The following GALNTL6 variants were observed in gnomAD, a reference collection of about 807,000 sequenced individuals.
GALNTL6 encodes polypeptide N-acetylgalactosaminyltransferase like 6.
Under a neutral mutation model 73.7 loss-of-function variants are expected in GALNTL6, and 46 were observed. The ratio of observed to expected loss-of-function variants is 0.62; its 90% CI spans 0.49 to 0.80. The LOEUF (loss-of-function observed/expected upper bound fraction) is 0.80, where lower values mean the gene tolerates loss of function less well. Ranked by LOEUF, GALNTL6 falls within the 30% of genes least tolerant of loss-of-function variation. The probability of loss-of-function intolerance (pLI) is 0.00; values close to 1 mark genes in which losing one functional copy is unlikely to be tolerated. For synonymous variants in GALNTL6, 259 were observed against 263.7 expected (o/e 0.98, Z 0.17); for missense variants, 604 against 755.0 (o/e 0.80, Z 2.34).
intron 2 of GALNTL6, among the ~76,000 whole-genome samples, chr4:171,944,072 A>G (rs1032028816): frequency 1.3e-5 from 2 of 152,078 alleles, no homozygotes; most frequent in African/African-American, 4.8e-5. Context: ...TGTAATTTAC[A>G]TACAATGATA....
intron 2 of GALNTL6, among the ~76,000 whole-genome samples, chr4:171,830,709 A>C (rs1734946128): frequency 6.6e-6 from 1 of 152,190 alleles, no homozygotes; most frequent in Non-Finnish European, 1.5e-5. Context: ...GTAAGATTTC[A>C]TCAGACATAT....
chr4:172,685,020 T>C (rs577304021), intron 5 of GALNTL6, among the ~76,000 whole-genome samples: 66 of 152,212 alleles, frequency 4.3e-4, no homozygotes, highest in Non-Finnish European at 3.7e-4. Flanking sequence ...CTTGTACATA[T>C]TGTAAATACC....
chr4:172,155,609 T>A (rs1054038890), intron 2 of GALNTL6, among the ~76,000 whole-genome samples: 6 of 152,194 alleles, frequency 3.9e-5, no homozygotes, highest in Non-Finnish European at 8.8e-5. Context: ...CAAACTAGCA[T>A]TATGAAATGT....
Position 172,952,059 on chromosome 4 carries a change from C to G in GALNTL6, c.1172C>G (p.Thr391Ser). Residue 391 changes from threonine to serine, a missense_variant, in exon 10 of 13, where the codon ACC becomes AGC. Physicochemically the swap from Thr to Ser is moderately conservative, Grantham distance 58. Transcript: ENST00000506823. ...CAGAACCTGAAGCGGGTAGCTGAGA[C>G]CTGGATGGATGAATTTGCCGAGTAC... ...LARNLKRVAETWMDEFAEYIY... is the reference protein window; with the variant it reads ...LARNLKRVAESWMDEFAEYIY... 1 of 1,613,964 alleles carries G rather than the reference C, an allele frequency of 6.2e-7. No homozygotes were observed. The highest frequency in any genetic ancestry group is 1.3e-5 in the African/African-American group (1 of 74,966).
intron 7 of GALNTL6, among the ~76,000 whole-genome samples, chr4:172,817,123 AG>A (rs1249976658): frequency 6.8e-5 from 10 of 147,096 alleles, no homozygotes; most frequent in Admixed American, 5.4e-4. Flanking sequence ...AAAAAAAAAA[AG>A]AAAGGAAGAA....
At chr4:172,573,931 T>G (rs1736862795) in intron 5 of GALNTL6, among the ~76,000 whole-genome samples, 1 of 152,176 alleles carries the variant, frequency 6.6e-6, no homozygotes, top group Admixed American at 6.5e-5. Flanking sequence ...CTTGTTTAAG[T>G]GACCAGAGTA....
At chr4:172,332,146 G>A (rs1277069017) in intron 4 of GALNTL6, among the ~76,000 whole-genome samples, 2 of 151,996 alleles carry the variant, frequency 1.3e-5, no homozygotes, top group African/African-American at 4.8e-5. Context: ...TAATATGCCA[G>A]TTGGCCATTT....
intron 2 of GALNTL6, among the ~76,000 whole-genome samples, chr4:172,131,523 C>A (rs533872530): frequency 6.8e-6 from 1 of 147,106 alleles, no homozygotes; most frequent in South Asian, 2.1e-4. Context: ...CATATATATA[C>A]ACACACACAC....
chr4:172,538,724 G>T lies in GALNTL6; in HGVS notation c.553+190035G>T, dbSNP rs75125795. 7.7e-3 allele frequency among the ~76,000 whole-genome samples: 1,171 copies of T among 152,212 alleles called. 17 individuals carry two copies. Among genetic ancestry groups the T allele is most frequent in the African/African-American group, 0.026 (1,081 of 41,544 alleles). ...TCCAGAACTCAAAGTATAAATAGAA[G>T]TATAACATTTTACTTCTAAGAATGG... On this transcript the variant is annotated intron_variant, in intron 5 of 12. Transcript: ENST00000506823.
intron 7 of GALNTL6, among the ~76,000 whole-genome samples, chr4:172,860,301 T>C (rs1744332015): frequency 6.6e-6 from 1 of 152,346 alleles, no homozygotes; most frequent in East Asian, 1.9e-4. Flanking sequence ...GAATTCATAT[T>C]TTAATTTTGT....
intron 5 of GALNTL6, among the ~76,000 whole-genome samples, chr4:172,498,849 T>TAA (rs1342630739): frequency 1.3e-5 from 2 of 152,188 alleles, no homozygotes; most frequent in Non-Finnish European, 2.9e-5. Context: ...AAATTATTCA[T>TAA]AAGTAAATCA....
chr4:171,976,920 G>A lies in GALNTL6; in HGVS notation c.138+162202G>A, dbSNP rs146636633. Among the ~76,000 whole-genome samples, 9 of 152,268 alleles carry A rather than the reference G, an allele frequency of 5.9e-5. No individual in the cohort carries two copies. The East Asian group carries it at 1.7e-3, about 29-fold the overall frequency. On this transcript the variant is annotated intron_variant, in intron 2 of 12. Coordinates refer to ENST00000506823, the MANE Select transcript of GALNTL6 (RefSeq NM_001034845.3). ...ACCATTTCTCAGACCCAAAGAGCAT[G>A]AAATCTATCGAATCAAGTCAGAAGT...
At chr4:172,990,840 T>C (rs900456210) in intron 10 of GALNTL6, among the ~76,000 whole-genome samples, 1 of 152,298 alleles carries the variant, frequency 6.6e-6, no homozygotes, top group South Asian at 2.1e-4. Flanking sequence ...TACAGGAATC[T>C]TACAAAGTTT....
chr4:172,328,240 T>G (rs1741010273), intron 4 of GALNTL6, among the ~76,000 whole-genome samples: 1 of 152,180 alleles, frequency 6.6e-6, no homozygotes, highest in Non-Finnish European at 1.5e-5. Context: ...TCTTGTAGAG[T>G]TTCTGCTGAG....
At chr4:172,205,452 C>T (rs1736078750) in intron 2 of GALNTL6, among the ~76,000 whole-genome samples, 1 of 152,170 alleles carries the variant, frequency 6.6e-6, no homozygotes, top group South Asian at 2.1e-4. Flanking sequence ...TCCTGAGCGA[C>T]TTAAAAGCTG....
intron 2 of GALNTL6, among the ~76,000 whole-genome samples, chr4:172,049,935 G>T (rs2110855916): frequency 6.6e-6 from 1 of 151,938 alleles, no homozygotes; most frequent in South Asian, 2.1e-4. Flanking sequence ...AGTGAGCTGA[G>T]ATCGCACCAT....
intron 2 of GALNTL6, among the ~76,000 whole-genome samples, chr4:172,121,784 T>C (rs965177979): frequency 6.6e-6 from 1 of 152,036 alleles, no homozygotes; most frequent in African/African-American, 2.4e-5. Context: ...CTCATAGGGG[T>C]TGTACCTCTG....
intron 2 of GALNTL6, among the ~76,000 whole-genome samples, chr4:172,113,512 T>C (rs544463189): frequency 6.6e-6 from 1 of 152,168 alleles, no homozygotes; most frequent in South Asian, 2.1e-4. Context: ...ACAATGCACA[T>C]ATAGATCTGA....
At chr4:172,551,245 A>T (rs1735944489) in intron 5 of GALNTL6, among the ~76,000 whole-genome samples, 1 of 152,180 alleles carries the variant, frequency 6.6e-6, no homozygotes, top group Admixed American at 6.6e-5. Flanking sequence ...TATCATTTTA[A>T]TTGAAATTAT....
Sources: allele counts gnomAD v4.1 joint callset (sites outside exome capture counted in the v4.1 genomes callset), GRCh38; gene constraint gnomAD v4.1.1; transcripts MANE v1.5; gene names NCBI Gene and HGNC (gene_info 2026-07-23, HGNC 2026-07-21).